The following GALNT17 variants were observed in gnomAD, a reference collection of about 807,000 sequenced individuals.
The protein encoded by GALNT17 is UDP-GalNAc:polypeptide N-acetylgalactosaminyltransferase-like 3.
GALNT17 carries 29 observed loss-of-function variants against 63.7 expected under a neutral mutation model. The observed-to-expected ratio is 0.46, with a 90% CI of 0.34 to 0.62. The LOEUF is 0.62. Among genes scored for constraint, GALNT17 ranks in the 20% least tolerant of loss-of-function variants. The pLI, the probability that GALNT17 is intolerant of heterozygous loss-of-function variation, is 0.01. For synonymous variants in GALNT17, 305 were observed against 318.3 expected (o/e 0.96, Z 0.45); for missense variants, 603 against 799.6 (o/e 0.75, Z 2.97).
chr7:71,393,651 G>A (rs146858638), intron 3 of GALNT17, among the ~76,000 whole-genome samples: 67 of 152,156 alleles, frequency 4.4e-4, no homozygotes, highest in African/African-American at 1.6e-3. Flanking sequence ...ATGGGCTCAG[G>A]GAATGGGTGT....
chr7:71,317,446 G>T (rs533590939), intron 1 of GALNT17, among the ~76,000 whole-genome samples: 3 of 152,322 alleles, frequency 2.0e-5, no homozygotes, highest in East Asian at 1.9e-4. Flanking sequence ...GGCTGGGCGT[G>T]GTGGCTCTTG....
intron 1 of GALNT17, among the ~76,000 whole-genome samples, chr7:71,288,631 G>A (rs934342629): frequency 2.0e-5 from 3 of 152,128 alleles, no homozygotes; most frequent in African/African-American, 4.8e-5. Flanking sequence ...CATGCTCAGG[G>A]GCCCAATGTC....
In GALNT17 at chr7:71,371,988, T is replaced by C. The variant is rs989813539; in HGVS notation, c.423-16247T>C. Among the ~76,000 whole-genome samples, 4 of 152,296 alleles carry C rather than the reference T, an allele frequency of 2.6e-5. No homozygotes were observed. The East Asian group carries it at 7.7e-4, about 29-fold the overall frequency. On this transcript the variant is annotated intron_variant, in intron 2 of 10. Transcript: ENST00000333538. ...TATATTAGCCTTAGAATTAGAGTTA[T>C]TATGTTGTGTGTGACAGGGTCTCAC...
intron 2 of GALNT17, among the ~76,000 whole-genome samples, chr7:71,369,160 G>C (rs1209873653): frequency 6.6e-6 from 1 of 152,154 alleles, no homozygotes; most frequent in Admixed American, 6.5e-5. Context: ...TAGTACACAT[G>C]ACCAGAATGC....
At chr7:71,497,146 G>C (rs1006757662) in intron 5 of GALNT17, among the ~76,000 whole-genome samples, 3 of 152,120 alleles carry the variant, frequency 2.0e-5, no homozygotes, top group Non-Finnish European at 4.4e-5. Context: ...AGGGAGATGT[G>C]GGTCCTCATC....
intron 5 of GALNT17, among the ~76,000 whole-genome samples, chr7:71,465,802 A>G (rs903263053): frequency 2.0e-5 from 3 of 152,232 alleles, no homozygotes; most frequent in African/African-American, 7.2e-5. Flanking sequence ...GAAAGGATGC[A>G]TGGCCAAAAA....
chr7:71,209,715 G>A (rs1416933137), intron 1 of GALNT17, among the ~76,000 whole-genome samples: 1 of 151,826 alleles, frequency 6.6e-6, no homozygotes, highest in Non-Finnish European at 1.5e-5. Context: ...ATATTAGTCC[G>A]TTTTCATGCT....
intron 1 of GALNT17, among the ~76,000 whole-genome samples, chr7:71,181,719 T>TA (rs1230876761): frequency 1.3e-5 from 2 of 150,780 alleles, no homozygotes; most frequent in Non-Finnish European, 3.0e-5. Flanking sequence ...AAAGTAAAAA[T>TA]AAAAAAAATT....
chr7:71,211,106 T>C (rs571653219), intron 1 of GALNT17, among the ~76,000 whole-genome samples: 1 of 152,336 alleles, frequency 6.6e-6, no homozygotes, highest in South Asian at 2.1e-4. Context: ...ACAGAGATTC[T>C]ATCAAGTTCT....
intron 3 of GALNT17, among the ~76,000 whole-genome samples, chr7:71,401,983 A>G (rs2116390093): frequency 6.6e-6 from 1 of 152,356 alleles, no homozygotes; most frequent in South Asian, 2.1e-4. Flanking sequence ...AAGGTTGGGG[A>G]CTGCTGTTCT....
At chr7:71,356,970 CAG>C (rs1431294880) in intron 2 of GALNT17, among the ~76,000 whole-genome samples, 1 of 151,774 alleles carries the variant, frequency 6.6e-6, no homozygotes, top group African/African-American at 2.4e-5. Context: ...TTAGTAGAGA[CAG>C]GGTTTCACCA....
chr7:71,509,099 A>G (rs1788312326), intron 5 of GALNT17, among the ~76,000 whole-genome samples: 1 of 152,216 alleles, frequency 6.6e-6, no homozygotes, highest in South Asian at 2.1e-4. Flanking sequence ...TGTGAAAGCA[A>G]TACACATTCA....
chr7:71,198,436 T>C lies in GALNT17; in HGVS notation c.238+65396T>C, dbSNP rs113084131. Among the ~76,000 whole-genome samples the C allele has an allele frequency of 3.6e-3, 541 of 152,320 alleles. 3 individuals carry two copies. Among genetic ancestry groups the C allele is most frequent in the African/African-American group, 0.012 (498 of 41,572 alleles). ...TTTATTGAGTTATGTTCCATGCTCT[T>C]TGCTGACCTGGACTCTACTTACTAA... On this transcript the variant is annotated intron_variant, in intron 1 of 10. Coordinates refer to ENST00000333538, the MANE Select transcript of GALNT17 (RefSeq NM_022479.3).
intron 6 of GALNT17, among the ~76,000 whole-genome samples, chr7:71,616,072 G>A (rs1790197579): frequency 6.6e-6 from 1 of 152,066 alleles, no homozygotes; most frequent in African/African-American, 2.4e-5. Context: ...TTGAACCAAT[G>A]TGCCTATAGA....
At chr7:71,460,275 G>C (rs560799467) in intron 5 of GALNT17, among the ~76,000 whole-genome samples, 1 of 152,262 alleles carries the variant, frequency 6.6e-6, no homozygotes, top group East Asian at 1.9e-4. Flanking sequence ...GGCAGCATTG[G>C]ACCATAGGAG....
intron 7 of GALNT17, among the ~76,000 whole-genome samples, chr7:71,668,849 A>G (rs1271442367): frequency 6.6e-6 from 1 of 152,206 alleles, no homozygotes; most frequent in Non-Finnish European, 1.5e-5. Context: ...ATTATTCATT[A>G]GAACATCATT....
At chr7:71,365,960 C>T (rs1437775921) in intron 2 of GALNT17, among the ~76,000 whole-genome samples, 1 of 152,152 alleles carries the variant, frequency 6.6e-6, no homozygotes, top group Non-Finnish European at 1.5e-5. Context: ...TTTCCTGCAA[C>T]TAGACGGTCC....
intron 1 of GALNT17, among the ~76,000 whole-genome samples, chr7:71,224,326 G>C (rs959169792): frequency 9.9e-5 from 15 of 152,196 alleles, no homozygotes; most frequent in African/African-American, 3.4e-4. Flanking sequence ...TTACAGGCAT[G>C]AACCGAGCCT....
intron 9 of GALNT17, chr7:71,685,584 T>A (rs1407082801): frequency 2.0e-5 from 3 of 152,174 alleles, no homozygotes; most frequent in African/African-American, 7.2e-5. Flanking sequence ...GGTCTTCCTC[T>A]ATTGGGGATG....
Sources: allele counts gnomAD v4.1 joint callset (sites outside exome capture counted in the v4.1 genomes callset), GRCh38; gene constraint gnomAD v4.1.1; transcripts MANE v1.5; gene names NCBI Gene and HGNC (gene_info 2026-07-23, HGNC 2026-07-21).